The following ROBO1 variants were observed in gnomAD, a reference collection of about 807,000 sequenced individuals.
ROBO1 encodes roundabout homolog 1.
Under a neutral mutation model 195.9 loss-of-function variants are expected in ROBO1, and 149 were observed. That is an observed-to-expected ratio of 0.76 (90% CI 0.67 to 0.87). The LOEUF (loss-of-function observed/expected upper bound fraction) is 0.87. ROBO1 is among the 40% of genes least tolerant of loss of function. The probability of loss-of-function intolerance (pLI) is 0.00; values close to 1 mark genes in which losing one functional copy is unlikely to be tolerated. For synonymous variants in ROBO1, 816 were observed against 733.2 expected (o/e 1.11, Z -1.82); for missense variants, 1,933 against 2,068.3 (o/e 0.93, Z 1.27).
At chr3:78,736,933 T>C (rs1476570587) in intron 5 of ROBO1, among the ~76,000 whole-genome samples, 3 of 152,198 alleles carry the variant, frequency 2.0e-5, no homozygotes, top group African/African-American at 7.2e-5. Context: ...ACTTTGCATC[T>C]GAATCACATA....
chr3:78,958,248 A>G (rs1157424130), intron 3 of ROBO1, among the ~76,000 whole-genome samples: 2 of 152,238 alleles, frequency 1.3e-5, no homozygotes, highest in Non-Finnish European at 1.5e-5. Context: ...CTGGGTACGA[A>G]GACTAGTAAC....
intron 2 of ROBO1, among the ~76,000 whole-genome samples, chr3:79,194,198 T>A (rs906093949): frequency 2.6e-5 from 4 of 151,694 alleles, no homozygotes; most frequent in Non-Finnish European, 5.9e-5. Context: ...TTATAGCCTA[T>A]CAATGTTTTA....
intron 3 of ROBO1, among the ~76,000 whole-genome samples, chr3:79,099,814 T>C (rs1373273496): frequency 6.6e-6 from 1 of 151,688 alleles, no homozygotes; most frequent in Admixed American, 6.6e-5. Flanking sequence ...TGTAACTCAA[T>C]TACCACCCTA....
intron 3 of ROBO1, among the ~76,000 whole-genome samples, chr3:78,993,257 GC>G (rs1340690142): frequency 6.6e-6 from 1 of 152,164 alleles, no homozygotes; most frequent in Non-Finnish European, 1.5e-5. Flanking sequence ...GCTCAAGGGT[GC>G]ATGCACAAGC....
intron 3 of ROBO1, among the ~76,000 whole-genome samples, chr3:79,117,581 C>T (rs982321674): frequency 3.9e-5 from 6 of 152,114 alleles, no homozygotes; most frequent in Non-Finnish European, 7.3e-5. Context: ...CCTGGGAACA[C>T]TTAAGTTGTG....
chr3:79,637,419 C>T (rs1172286823), intron 1 of ROBO1, among the ~76,000 whole-genome samples: 1 of 149,702 alleles, frequency 6.7e-6, no homozygotes, highest in African/African-American at 2.5e-5. Context: ...GACCCTCCTT[C>T]CCAAACCCTT....
intron 3 of ROBO1, among the ~76,000 whole-genome samples, chr3:79,111,742 T>G (rs1434700635): frequency 6.6e-6 from 1 of 152,162 alleles, no homozygotes. Context: ...CTGAATTTAT[T>G]GTTATGGTTG....
At chr3:78,971,604 A>T (rs1042750441) in intron 3 of ROBO1, among the ~76,000 whole-genome samples, 7 of 152,256 alleles carry the variant, frequency 4.6e-5, no homozygotes, top group Non-Finnish European at 1.0e-4. Flanking sequence ...TGCTCAACCC[A>T]GGAACCCTGA....
At chr3:79,062,327 T>C (rs1300647819) in intron 3 of ROBO1, among the ~76,000 whole-genome samples, 2 of 152,058 alleles carry the variant, frequency 1.3e-5, no homozygotes, top group Non-Finnish European at 2.9e-5. Context: ...AGAATGGTGA[T>C]CATTAAAAAG....
chr3:79,137,372 A>G (rs2108602162), intron 2 of ROBO1, among the ~76,000 whole-genome samples: 1 of 152,074 alleles, frequency 6.6e-6, no homozygotes, highest in African/African-American at 2.4e-5. Flanking sequence ...AGATGCCAGG[A>G]CGTTACTAAA....
intron 1 of ROBO1, among the ~76,000 whole-genome samples, chr3:79,690,646 A>G (rs1361562294): frequency 6.6e-6 from 1 of 151,892 alleles, no homozygotes; most frequent in Non-Finnish European, 1.5e-5. Flanking sequence ...ATATAAATAA[A>G]CTTTTTCCAT....
At position 78,598,839 on chromosome 3, in the gene ROBO1, G is replaced by A. The variant is rs1028896657; in HGVS notation, c.*74C>T. ...GATTGCACTGAACATTTTATCTGGC[G>A]TCATGTGTCATCTGACAGGAGGCAT... On this transcript the variant is annotated 3_prime_UTR_variant, in exon 31 of 31. Coordinates refer to ENST00000464233, the MANE Select transcript of ROBO1 (RefSeq NM_002941.4). 59 of 940,840 alleles carry A rather than the reference G, an allele frequency of 6.3e-5. No homozygotes were observed. In the Middle Eastern group the frequency reaches 7.7e-4, roughly 12 times the overall value. The allele number at this position is 940,840 out of a possible 1,614,324, so 58.3% of individuals were successfully genotyped here.
chr3:79,253,377 T>C (rs77959122), intron 2 of ROBO1, among the ~76,000 whole-genome samples: 4,771 of 152,238 alleles, frequency 0.031, 219 homozygotes, highest in African/African-American at 0.1. Context: ...GGGAGGCTAT[T>C]CTCTGCTCTC....
chr3:79,319,856 TAAG>T (rs2033899483), intron 2 of ROBO1, among the ~76,000 whole-genome samples: 1 of 152,176 alleles, frequency 6.6e-6, no homozygotes, highest in Non-Finnish European at 1.5e-5. Flanking sequence ...ATTGAATAAT[TAAG>T]TTTTATCGGC....
chr3:79,416,544 G>C (rs555202195), intron 2 of ROBO1, among the ~76,000 whole-genome samples: 14 of 151,012 alleles, frequency 9.3e-5, no homozygotes, highest in African/African-American at 3.4e-4. Context: ...AGGAGGTCAA[G>C]GTGCAGTGAG....
At chr3:79,171,140 T>G (rs2081157507) in intron 2 of ROBO1, among the ~76,000 whole-genome samples, 1 of 149,874 alleles carries the variant, frequency 6.7e-6, no homozygotes, top group Non-Finnish European at 1.5e-5. Context: ...ATTTAAATAA[T>G]ATAAATGTAT....
chr3:79,166,081 C>G lies in ROBO1; in HGVS notation c.89-40542G>C, dbSNP rs186732040. 2.6e-5 allele frequency among the ~76,000 whole-genome samples: 4 copies of G among 152,260 alleles called. No homozygotes were observed. The East Asian group carries it at 7.7e-4, about 29-fold the overall frequency. On this transcript the variant is annotated intron_variant, in intron 2 of 30. Coordinates refer to ENST00000464233, the MANE Select transcript of ROBO1 (RefSeq NM_002941.4). ...TAGCCACCCCCAACAATAGCGCAAACCAACTCATTGCAATAGGTCTCTACT... is the reference window on the plus strand; with the variant it reads ...TAGCCACCCCCAACAATAGCGCAAAGCAACTCATTGCAATAGGTCTCTACT...
At chr3:79,690,171 C>T (rs1947258111) in intron 1 of ROBO1, among the ~76,000 whole-genome samples, 1 of 151,836 alleles carries the variant, frequency 6.6e-6, no homozygotes, top group Admixed American at 6.6e-5. Flanking sequence ...TGTCCTCATC[C>T]ACAGAACCTT....
chr3:79,342,684 C>A (rs976979709), intron 2 of ROBO1, among the ~76,000 whole-genome samples: 1 of 151,978 alleles, frequency 6.6e-6, no homozygotes, highest in Admixed American at 6.6e-5. Context: ...ATAGAGTGAT[C>A]ATATGGCAGT....
Sources: gnomAD v4.1 joint callset for allele counts (sites outside exome capture counted in the v4.1 genomes callset) on GRCh38, gnomAD v4.1.1 for gene constraint, MANE v1.5 for transcripts, NCBI Gene and HGNC (gene_info 2026-07-23, HGNC 2026-07-21) for gene names.